The following GSN variants were observed in gnomAD, a reference collection of about 807,000 sequenced individuals.
GSN encodes the protein actin-depolymerizing factor.
In GSN, 56 loss-of-function variants were observed where a neutral mutation model predicts 85.7. That is an observed-to-expected ratio of 0.65 (90% CI 0.53 to 0.82). The LOEUF (loss-of-function observed/expected upper bound fraction) is 0.82, where lower values mean the gene tolerates loss of function less well. GSN is among the 40% of genes least tolerant of loss of function. The pLI is 0.00. For synonymous variants in GSN, 373 were observed against 399.1 expected (o/e 0.93, Z 0.78); for missense variants, 857 against 979.8 (o/e 0.87, Z 1.67).
At position 121,253,502 on chromosome 9, in the gene GSN, A is replaced by G. The variant is rs114264699; in HGVS notation, c.-341+5179A>G. Among the ~76,000 whole-genome samples the G allele has an allele frequency of 3.7e-3, 569 of 152,230 alleles. 3 individuals are homozygous for G. The highest frequency in any genetic ancestry group is 0.013 in the African/African-American group (534 of 41,526). Reference sequence around the variant, plus strand: ...CCCCATTCCCCTGCTATGAGCTTATAGGTTTTGTCCTGCAGCATTATGTAG... The same window carrying G: ...CCCCATTCCCCTGCTATGAGCTTATGGGTTTTGTCCTGCAGCATTATGTAG... On this transcript the variant is annotated intron_variant, in intron 6 of 24. Coordinates refer to the GSN transcript ENST00000373823.
At chr9:121,207,959 G>GTGTGTA (rs1491060845) in intron 1 of GSN, 1 of 141,388 alleles carries the variant, frequency 7.1e-6, no homozygotes, top group East Asian at 2.0e-4. Context: ...GTGTGTGTGT[G>GTGTGTA]TATTTTTTGT....
chr9:121,326,426 CG>C (rs1274078319), intron 12 of GSN, 85 bp from the exon 13 acceptor site: 2 of 1,075,336 alleles, frequency 1.9e-6, no homozygotes, highest in Non-Finnish European at 2.8e-6. Context: ...ATGATGGCTT[CG>C]TCTGGAGGGA....
At chr9:121,217,730 A>T (rs904055769) in intron 4 of GSN, among the ~76,000 whole-genome samples, 1 of 151,596 alleles carries the variant, frequency 6.6e-6, no homozygotes, top group African/African-American at 2.4e-5. Context: ...AATTCAGCCC[A>T]CAACAGCCAT....
intron 4 of GSN, among the ~76,000 whole-genome samples, chr9:121,227,269 C>T (rs1244543620): frequency 6.6e-6 from 1 of 152,072 alleles, no homozygotes; most frequent in Admixed American, 6.6e-5. Flanking sequence ...TGGTGCGTGC[C>T]TGTAATCCCA....
At chr9:121,286,763 T>C in intron 2 of GSN, 1 of 1,534,708 alleles carries the variant, frequency 6.5e-7, no homozygotes, top group South Asian at 1.2e-5. Flanking sequence ...CTGTGTACAG[T>C]AGGTATTTTT....
In GSN at chr9:121,221,435, C is replaced by G. The variant is rs1448194681; in HGVS notation, c.-527-9730C>G. Among the ~76,000 whole-genome samples the G allele has an allele frequency of 2.6e-5, 4 of 152,358 alleles. No homozygotes were observed. The East Asian group carries it at 7.7e-4, about 29-fold the overall frequency. On this transcript the variant is annotated intron_variant, in intron 4 of 24. Coordinates refer to the GSN transcript ENST00000373823. ...GGAGAGAGGTAAACTCCTCCCTGCT[C>G]TAAGTGAAGACTTTCTACAGTGCAG... is the stretch of plus-strand genomic sequence containing the variant.
rs138262284 is a variant in GSN, at chr9:121,261,020, G to T, written c.-340-4134G>T. 6.6e-6 allele frequency among the ~76,000 whole-genome samples: 1 copy of T among 152,210 alleles called. No homozygotes were observed. Among genetic ancestry groups the T allele is most frequent in the Non-Finnish European group, 1.5e-5 (1 of 68,040 alleles). ...TAAGAAGGTAATGCATTGCTGGCCCGATTGTGTTTCAACTCCAAGAAACAG... is the reference window on the plus strand; with the variant it reads ...TAAGAAGGTAATGCATTGCTGGCCCTATTGTGTTTCAACTCCAAGAAACAG... On this transcript the variant is annotated intron_variant, in intron 6 of 24. Transcript: ENST00000373823. The surrounding 1 kb of genome is among the most constrained non-coding windows in gnomAD (Gnocchi z 4.1).
rs2062908804 is a variant in GSN, at chr9:121,324,543, TC to T, written c.1326-7del. The T allele has an allele frequency of 1.4e-6, 2 of 1,437,656 alleles. No individual in the cohort carries two copies. Among genetic ancestry groups the T allele is most frequent in the Non-Finnish European group, 1.9e-6 (2 of 1,044,736 alleles). 89.1% of individuals were successfully genotyped at this position (1,437,656 alleles called of 1,614,324 possible). A position where few individuals can be genotyped will look rare whatever the true frequency, so the allele number is the denominator to read the frequency against. On this transcript the variant is annotated splice_polypyrimidine_tract_variant and intron_variant, in intron 11 of 17. Transcript: ENST00000432226. ...GTGCACCCTGATGCTGAATCTCACT[TC>T]CCCTTCCAGGCAGGGTGCCCAGTCT...
chr9:121,241,123 G>T (rs1564351985), intron 5 of GSN, among the ~76,000 whole-genome samples: 1 of 152,158 alleles, frequency 6.6e-6, no homozygotes, highest in African/African-American at 2.4e-5. Context: ...AAGAACCAAA[G>T]ATGTTATTCA....
intron 2 of GSN, among the ~76,000 whole-genome samples, chr9:121,300,284 C>T (rs1020064375): frequency 6.6e-6 from 1 of 151,980 alleles, no homozygotes; most frequent in Non-Finnish European, 1.5e-5. Flanking sequence ...CTGAATTCTC[C>T]TTTTCCTTCT....
chr9:121,322,733 G>C (rs117859783), intron 11 of GSN, among the ~76,000 whole-genome samples: 3,521 of 152,194 alleles, frequency 0.023, 54 homozygotes, highest in Non-Finnish European at 0.034. Context: ...TTGGGCGTTT[G>C]CCAATCTTAT....
At chr9:121,289,828 G>A (rs972595579) in intron 2 of GSN, among the ~76,000 whole-genome samples, 1 of 152,150 alleles carries the variant, frequency 6.6e-6, no homozygotes. Flanking sequence ...GCAAGGGCTT[G>A]TGGGCCCCAT....
chr9:121,235,329 C>T (rs1661794184), intron 5 of GSN, among the ~76,000 whole-genome samples: 1 of 152,172 alleles, frequency 6.6e-6, no homozygotes, highest in Non-Finnish European at 1.5e-5. Context: ...TACTGGTTTC[C>T]ACATCTTTCA....
exon 2 of GSN, chr9:121,209,311 G>A (rs1156440096): frequency 6.6e-6 from 1 of 152,030 alleles, no homozygotes; most frequent in Non-Finnish European, 1.5e-5. Flanking sequence ...GATAAAGCAC[G>A]GAGAGGAACC....
chr9:121,243,437 G>C (rs1040655624), intron 5 of GSN, among the ~76,000 whole-genome samples: 1 of 152,164 alleles, frequency 6.6e-6, no homozygotes, highest in Admixed American at 6.5e-5. Context: ...CAAAGTTCCA[G>C]GAATTAGGAT....
intron 4 of GSN, among the ~76,000 whole-genome samples, chr9:121,217,738 C>T (rs1363644914): frequency 1.3e-5 from 2 of 151,070 alleles, no homozygotes; most frequent in Non-Finnish European, 2.9e-5. Flanking sequence ...CCACAACAGC[C>T]ATTTCTTTAA....
chr9:121,323,004 T>G (rs1036163187), intron 11 of GSN, among the ~76,000 whole-genome samples: 4 of 151,866 alleles, frequency 2.6e-5, no homozygotes, highest in African/African-American at 9.7e-5. Flanking sequence ...CCCGGCTACT[T>G]TTTATACTTT....
intron 4 of GSN, chr9:121,309,486 A>G (rs2060827559): frequency 6.6e-6 from 1 of 152,124 alleles, no homozygotes; most frequent in African/African-American, 2.4e-5. Context: ...TCCCTTACCC[A>G]TAGCTGCTCT....
At chr9:121,233,451 C>T (rs1400985497) in intron 5 of GSN, among the ~76,000 whole-genome samples, 3 of 151,904 alleles carry the variant, frequency 2.0e-5, no homozygotes, top group African/African-American at 4.8e-5. Context: ...GGTGACAGAG[C>T]GAGACTCCAT....
Sources: allele counts gnomAD v4.1 joint callset (sites outside exome capture counted in the v4.1 genomes callset), GRCh38; gene constraint gnomAD v4.1.1; non-coding constraint Gnocchi (gnomAD v3.1); transcripts MANE v1.5; gene names NCBI Gene and HGNC (gene_info 2026-07-23, HGNC 2026-07-21).